PCDH7: variants seen among roughly 807,000 people sequenced by gnomAD.
The protein encoded by PCDH7 is protocadherin-7.
In PCDH7, 17 loss-of-function variants were observed where a neutral mutation model predicts 58.9. That is an observed-to-expected ratio of 0.29 (90% CI 0.20 to 0.43). The LOEUF is 0.43. PCDH7 is among the 20% of genes least tolerant of loss of function. PCDH7 has a pLI of 1.00. For synonymous variants in PCDH7, 664 were observed against 616.4 expected (o/e 1.08, Z -1.14); for missense variants, 1,274 against 1,441.0 (o/e 0.88, Z 1.88).
chr4:30,941,052 C>G (rs957293964), intron 2 of PCDH7, among the ~76,000 whole-genome samples: 2 of 151,958 alleles, frequency 1.3e-5, no homozygotes, highest in East Asian at 3.8e-4. Flanking sequence ...TGAATTCCAA[C>G]TTAGAGCACT....
chr4:31,080,278 AAG>A (rs1238173855), intron 3 of PCDH7, among the ~76,000 whole-genome samples: 3 of 105,702 alleles, frequency 2.8e-5, no homozygotes, highest in Admixed American at 9.5e-5. Context: ...CTTGTTTAGA[AAG>A]TTTTTTTTTT....
intron 1 of PCDH7, among the ~76,000 whole-genome samples, chr4:30,827,873 A>G (rs996774223): frequency 1.3e-5 from 2 of 152,206 alleles, no homozygotes; most frequent in African/African-American, 2.4e-5. Flanking sequence ...TGCAATCCTT[A>G]TAAGAGGCAG....
chr4:31,057,211 C>T (rs776661290), intron 3 of PCDH7, among the ~76,000 whole-genome samples: 1 of 152,132 alleles, frequency 6.6e-6, no homozygotes, highest in Non-Finnish European at 1.5e-5. Context: ...ATTTTCCTCT[C>T]TTCTTCTACA....
At chr4:31,084,959 C>T (rs901407885) in intron 3 of PCDH7, among the ~76,000 whole-genome samples, 2 of 152,062 alleles carry the variant, frequency 1.3e-5, no homozygotes, top group Non-Finnish European at 2.9e-5. Context: ...CTGTAGCCGC[C>T]CAAGGGGTTC....
intron 1 of PCDH7, among the ~76,000 whole-genome samples, chr4:30,799,352 A>C (rs1434847507): frequency 6.6e-6 from 1 of 152,210 alleles, no homozygotes; most frequent in Non-Finnish European, 1.5e-5. Flanking sequence ...TTTTCCAAGA[A>C]AGACACCCTG....
chr4:30,727,145 T>G (rs1328922380), intron 1 of PCDH7, among the ~76,000 whole-genome samples: 1 of 151,950 alleles, frequency 6.6e-6, no homozygotes, highest in African/African-American at 2.4e-5. Context: ...CAGGGTCTAA[T>G]TTAAAAATTG....
intron 3 of PCDH7, among the ~76,000 whole-genome samples, chr4:31,028,077 GA>G (rs1166469874): frequency 6.6e-6 from 1 of 151,964 alleles, no homozygotes; most frequent in East Asian, 1.9e-4. Flanking sequence ...TAATACAAGA[GA>G]AATACTCTAG....
chr4:30,993,558 T>C (rs140736947), intron 3 of PCDH7, among the ~76,000 whole-genome samples: 15 of 152,280 alleles, frequency 9.9e-5, no homozygotes, highest in African/African-American at 3.4e-4. Flanking sequence ...TAGGTAACTG[T>C]CAAAAAACAG....
chr4:31,047,281 A>G (rs917804388), intron 3 of PCDH7, among the ~76,000 whole-genome samples: 11 of 152,068 alleles, frequency 7.2e-5, no homozygotes, highest in African/African-American at 2.7e-4. Flanking sequence ...TTCAAATACA[A>G]ATTTCCCACG....
chr4:30,725,053 T>A, intron 1 of PCDH7: 1 of 1,003,928 alleles, frequency 1.0e-6, no homozygotes, highest in Non-Finnish European at 1.2e-6. Context: ...TTTAGCTATG[T>A]TATTTACAAT....
At chr4:30,764,351 G>A (rs1461962272) in intron 1 of PCDH7, among the ~76,000 whole-genome samples, 3 of 152,064 alleles carry the variant, frequency 2.0e-5, no homozygotes, top group African/African-American at 4.8e-5. Context: ...TGCTTAATGG[G>A]TACTTTACCA....
chr4:31,030,705 A>C (rs750885057), intron 3 of PCDH7, among the ~76,000 whole-genome samples: 20 of 152,180 alleles, frequency 1.3e-4, no homozygotes, highest in Non-Finnish European at 2.6e-4. Context: ...AAGAAAAGAC[A>C]AGACAGCTAC....
intron 3 of PCDH7, among the ~76,000 whole-genome samples, chr4:31,079,829 T>G (rs984725976): frequency 3.9e-5 from 6 of 152,086 alleles, no homozygotes; most frequent in Non-Finnish European, 7.4e-5. Flanking sequence ...TCATACAATG[T>G]AGAATTCTGC....
At chr4:30,909,843 G>C (rs767536132) in intron 1 of PCDH7, among the ~76,000 whole-genome samples, 2 of 151,948 alleles carry the variant, frequency 1.3e-5, no homozygotes, top group African/African-American at 4.8e-5. Flanking sequence ...TTCATTCGGA[G>C]CCAAAAAAGA....
At chr4:31,062,761 C>T (rs114674077) in intron 3 of PCDH7, among the ~76,000 whole-genome samples, 1,658 of 151,752 alleles carry the variant, frequency 0.011, 34 homozygotes, top group African/African-American at 0.038. Context: ...TGTGTGTGTC[C>T]CATGAAACCT....
At chr4:30,736,572 G>A (rs1051352383), downstream of PCDH7, among the ~76,000 whole-genome samples, 213 of 139,478 alleles carry the variant, frequency 1.5e-3, no homozygotes, top group Non-Finnish European at 1.7e-3. Flanking sequence ...GTCTCGCTCT[G>A]CCGCCGGGGC....
chr4:30,752,703 T>C (rs1718707595), intron 1 of PCDH7, among the ~76,000 whole-genome samples: 2 of 140,534 alleles, frequency 1.4e-5, no homozygotes. Context: ...CAGTGATTAA[T>C]GGTGACTAAA....
At chr4:30,824,080 TTTC>T (rs1290937224) in intron 1 of PCDH7, among the ~76,000 whole-genome samples, 2 of 9,954 alleles carry the variant, frequency 2.0e-4, no homozygotes, top group East Asian at 2.8e-3. Context: ...CGGGGTTTCT[TTTC>T]TTTCTTTCTT....
chr4:30,841,179 A>G (rs73812630), intron 1 of PCDH7, among the ~76,000 whole-genome samples: 2,171 of 152,234 alleles, frequency 0.014, 47 homozygotes, highest in African/African-American at 0.05. Context: ...ATTTTTCAGT[A>G]TAATTTGGTT....
Sources: gnomAD v4.1 joint callset for allele counts (sites outside exome capture counted in the v4.1 genomes callset) on GRCh38, gnomAD v4.1.1 for gene constraint, MANE v1.5 for transcripts, NCBI Gene and HGNC (gene_info 2026-07-23, HGNC 2026-07-21) for gene names.